Variants in PIK3R1 observed in about 807,000 individuals in gnomAD.
The protein encoded by PIK3R1 is phosphoinositide-3-kinase regulatory subunit 1, also known as phosphatidylinositol 3-kinase regulatory subunit alpha.
In PIK3R1, 29 loss-of-function variants were observed where a neutral mutation model predicts 98.0. That is an observed-to-expected ratio of 0.30 (90% CI 0.22 to 0.40). The LOEUF (loss-of-function observed/expected upper bound fraction) is 0.40. Ranked by LOEUF, PIK3R1 falls within the 10% of genes least tolerant of loss-of-function variation. The pLI, the probability that PIK3R1 is intolerant of heterozygous loss-of-function variation, is 1.00. For missense variants in PIK3R1, 596 were observed against 872.7 expected (o/e 0.68, Z 3.99); for synonymous variants, 282 against 311.8 (o/e 0.90, Z 1.01).
intron 1 of PIK3R1, among the ~76,000 whole-genome samples, chr5:68,216,513 C>T (rs1743890612): frequency 6.6e-6 from 1 of 152,194 alleles, no homozygotes; most frequent in Non-Finnish European, 1.5e-5. Flanking sequence ...AGTTTGCCGC[C>T]CTCCTCTTCC....
chr5:68,270,621 T>C (rs1011298833), intron 2 of PIK3R1, among the ~76,000 whole-genome samples: 8 of 152,232 alleles, frequency 5.3e-5, no homozygotes, highest in African/African-American at 1.7e-4. Context: ...GATATGTATT[T>C]ACTATTTAAT....
chr5:68,216,073 G>C (rs957005841), intron 1 of PIK3R1, 124 bp downstream of exon 1: 5 of 152,180 alleles, frequency 3.3e-5, no homozygotes, highest in Non-Finnish European at 5.9e-5. Flanking sequence ...GAGCCCCGCC[G>C]GGGGGAAGCG....
chr5:68,278,068 A>C (rs933163996), intron 4 of PIK3R1, among the ~76,000 whole-genome samples: 5 of 151,960 alleles, frequency 3.3e-5, no homozygotes, highest in African/African-American at 4.8e-5. Context: ...CCCTGCCCCC[A>C]GATCTTTGTT....
intron 1 of PIK3R1, among the ~76,000 whole-genome samples, chr5:68,225,113 G>A (rs568395998): frequency 6.6e-6 from 1 of 152,312 alleles, no homozygotes; most frequent in African/African-American, 2.4e-5. Flanking sequence ...GCAGGATTTA[G>A]TCTTAGGGAT....
At chr5:68,220,263 C>T (rs150576822) in intron 1 of PIK3R1, among the ~76,000 whole-genome samples, 12 of 152,280 alleles carry the variant, frequency 7.9e-5, no homozygotes, top group African/African-American at 2.9e-4. Context: ...TTCATACTAA[C>T]CTTGCCAAGA....
intron 2 of PIK3R1, among the ~76,000 whole-genome samples, chr5:68,229,935 A>G (rs1420334596): frequency 6.6e-6 from 1 of 152,196 alleles, no homozygotes; most frequent in African/African-American, 2.4e-5. Context: ...TAATTGGATA[A>G]TTTTGGATGT....
intron 2 of PIK3R1, among the ~76,000 whole-genome samples, chr5:68,246,438 A>G (rs892399149): frequency 6.7e-6 from 1 of 148,462 alleles, no homozygotes; most frequent in Non-Finnish European, 1.5e-5. Context: ...TTAGCCCCCC[A>G]GGTAGCTGAG....
rs184479885 is a variant in PIK3R1, at chr5:68,260,254, C to A, written c.335-13136C>A. Among the ~76,000 whole-genome samples the A allele has an allele frequency of 1.2e-4, 19 of 152,158 alleles. No homozygotes were observed. The South Asian group carries it at 1.7e-3, about 13-fold the overall frequency. ...TGACTCTCAGAGGGGAATGGATAAA[C>A]CCACAGAGGTTCTGGAAATGGAGCA... On this transcript the variant is annotated intron_variant, in intron 2 of 15. Transcript: ENST00000521381.
In PIK3R1 at chr5:68,295,440, T is replaced by C; in HGVS notation, c.1766T>C (p.Val589Ala). ...QYLMWLTQKG[V>A]RQKKLNEWLG... Reference sequence around the variant, plus strand: ...TTCAGGTGGTTGACTCAAAAAGGTGTTCGGCAAAAGAAGTTGAACGAGTGG... The same window carrying C: ...TTCAGGTGGTTGACTCAAAAAGGTGCTCGGCAAAAGAAGTTGAACGAGTGG... The change falls in exon 14 of 16, where the codon GTT becomes GCT. Residue 589 changes from valine (V) to alanine (A), a missense_variant. Val to Ala is a moderately conservative substitution (Grantham distance 64). This residue lies in a region of PIK3R1 where 207 missense variants were observed against 361.4 expected (regional missense o/e 0.57). Coordinates refer to ENST00000521381, the MANE Select transcript of PIK3R1 (RefSeq NM_181523.3). The C allele has an allele frequency of 1.2e-6, 2 of 1,614,216 alleles. No individual in the cohort carries two copies. Among genetic ancestry groups the C allele is most frequent in the Non-Finnish European group, 1.7e-6 (2 of 1,180,034 alleles).
intron 1 of PIK3R1, chr5:68,217,631 T>TGTGTGG (rs1554044215): frequency 3.8e-4 from 50 of 131,340 alleles, no homozygotes; most frequent in Admixed American, 1.2e-3. Context: ...TGTGTGGGGG[T>TGTGTGG]GTGTGTGTGT....
rs1704579838 is a variant in PIK3R1, at chr5:68,292,779, G to C, written c.1020-322G>C. 1.1e-5 allele frequency: 14 copies of C among 1,255,774 alleles called. No homozygotes were observed. In the South Asian group the frequency reaches 2.3e-4, roughly 21 times the overall value. 77.8% of individuals were successfully genotyped at this position (1,255,774 alleles called of 1,614,324 possible). On this transcript the variant is annotated intron_variant, in intron 8 of 15. Transcript: ENST00000521381. The stretch of plus-strand genomic sequence containing the variant: ...TGAGTTTCTGTGCTCATTTGTCAGA[G>C]AGATTGTAATGTTTGGTTGAAAAAA...
At chr5:68,216,064 A>T (rs1743859542) in intron 1 of PIK3R1, 115 bp downstream of exon 1, 1 of 151,944 alleles carries the variant, frequency 6.6e-6, no homozygotes, top group Non-Finnish European at 1.5e-5. Context: ...CCTTCTGCAG[A>T]GCCCCGCCGG....
At chr5:68,252,286 C>G (rs910585389) in intron 2 of PIK3R1, among the ~76,000 whole-genome samples, 3 of 151,976 alleles carry the variant, frequency 2.0e-5, no homozygotes, top group African/African-American at 7.3e-5. Flanking sequence ...TCTTTCATTA[C>G]TCCGCTGCCT....
chr5:68,263,015 GTAGATACATGTAGATACATGTA>G (rs1171335314), intron 2 of PIK3R1, among the ~76,000 whole-genome samples: 11 of 55,690 alleles, frequency 2.0e-4, no homozygotes, highest in African/African-American at 6.8e-4. Flanking sequence ...ATATATACAT[GTAGATACATGTAGATACATGTA>G]TACATATATA....
At chr5:68,263,054 G>GATACATGTAGATACATGTATACATAT (rs1561279380) in intron 2 of PIK3R1, among the ~76,000 whole-genome samples, 45 of 126,106 alleles carry the variant, frequency 3.6e-4, no homozygotes, top group Middle Eastern at 6.3e-3. Context: ...TATACATGTA[G>GATACATGTAGATACATGTATACATAT]ATACATGTAG....
intron 2 of PIK3R1, among the ~76,000 whole-genome samples, chr5:68,272,404 C>T (rs1746400459): frequency 1.3e-5 from 2 of 152,048 alleles, no homozygotes; most frequent in African/African-American, 4.8e-5. Context: ...AGACTGCAAG[C>T]AATGAGGCTA....
rs367780084 is a variant in PIK3R1 at position 68,301,440 on chromosome 5, G to GTA, written c.*3853_*3854dup. On this transcript the variant is annotated 3_prime_UTR_variant, in exon 16 of 16. Coordinates refer to ENST00000521381, the MANE Select transcript of PIK3R1 (RefSeq NM_181523.3). ...TATATATATATATATATATGTGTGT[G>GTA]TATATATATATATATGTGTATATAT... The GTA allele has an allele frequency of 0.012, 1,230 of 98,838 alleles. 38 individuals carry two copies. Among genetic ancestry groups the GTA allele is most frequent in the Middle Eastern group, 0.018 (3 of 170 alleles). 6.1% of individuals were successfully genotyped at this position (98,838 alleles called of 1,614,324 possible).
At chr5:68,217,617 G>A (rs1328389960) in intron 1 of PIK3R1, 2 of 137,386 alleles carry the variant, frequency 1.5e-5, no homozygotes, top group Non-Finnish European at 3.1e-5. Flanking sequence ...GAAAATAAGA[G>A]TAATGTGTGG....
intron 15 of PIK3R1, 91 bp downstream of exon 15, chr5:68,296,432 C>A: frequency 8.0e-7 from 1 of 1,246,552 alleles, no homozygotes; most frequent in Non-Finnish European, 1.1e-6. Context: ...AAAGATTTGA[C>A]ATAGTTTTAG....
Sources: allele counts gnomAD v4.1 joint callset (sites outside exome capture counted in the v4.1 genomes callset), GRCh38; gene constraint gnomAD v4.1.1; regional missense constraint gnomAD v4.1.1; transcripts MANE v1.5; gene names NCBI Gene and HGNC (gene_info 2026-07-23, HGNC 2026-07-21).